MS4A4E: variants seen among roughly 807,000 people sequenced by gnomAD.
MS4A4E encodes the protein putative membrane-spanning 4-domains subfamily A member 4E.
Under a neutral mutation model 13.3 loss-of-function variants are expected in MS4A4E, and 23 were observed. That is an observed-to-expected ratio of 1.73 (90% CI 1.25 to 2.45). MS4A4E has a LOEUF of 2.45. Ranked by LOEUF, MS4A4E falls within the 30% of genes most tolerant of loss-of-function variation. The pLI, the probability that MS4A4E is intolerant of heterozygous loss-of-function variation, is 0.00. For missense variants in MS4A4E, 144 were observed against 131.2 expected, an observed-to-expected ratio of 1.10 and a Z score of -0.48; for synonymous variants, 36 against 45.6, an observed-to-expected ratio of 0.79 and a Z score of 0.85.
intron 3 of MS4A4E, among the ~76,000 whole-genome samples, chr11:60,221,269 T>C (rs2084267058): frequency 6.6e-6 from 1 of 152,034 alleles, no homozygotes; most frequent in African/African-American, 2.4e-5. Context: ...AAGTGGGGCA[T>C]GCACAGCAGC....
rs1005402930 is a variant in MS4A4E at position 60,200,476 on chromosome 11, G to A, written c.*1067C>T. Among the ~76,000 whole-genome samples the A allele has an allele frequency of 6.6e-6, 1 of 152,064 alleles. No individual in the cohort carries two copies. The highest frequency in any genetic ancestry group is 1.5e-5 in the Non-Finnish European group (1 of 68,014). ...TTGTGTCCCTGGGTACTTGAGATTA[G>A]GGAGTGGTGATGACTCTTAACGAGC... is the stretch of plus-strand genomic sequence containing the variant. On this transcript the variant is annotated 3_prime_UTR_variant, in exon 9 of 9. Coordinates refer to ENST00000651255, the MANE Select transcript of MS4A4E (RefSeq NM_001393391.1).
In MS4A4E at chr11:60,213,101, C is replaced by A; in HGVS notation, c.254G>T (p.Ser85Ile). ...VGGSLGKNIT[S>I]SVLAISGILI... ...GATCCCTGATATAGCCAAGACTGAA[C>A]TGGTGATATTCTTTCCTAGACTACC... The change falls in exon 5 of 9, where the codon AGT (serine) becomes ATT (isoleucine). Residue 85 changes from serine (S) to isoleucine (I), a missense_variant. Ser to Ile is a moderately radical substitution (Grantham distance 142). This residue lies in a region of MS4A4E where 119 missense variants were observed against 88.7 expected (regional missense o/e 1.34). Transcript: ENST00000651255. 1.7e-6 allele frequency: 1 copy of A among 578,558 alleles called. No homozygotes were observed. Among genetic ancestry groups the A allele is most frequent in the Non-Finnish European group, 3.0e-6 (1 of 333,200 alleles). The allele number at this position is 578,558 out of a possible 1,614,324, so 35.8% of individuals were successfully genotyped here. A position where few individuals can be genotyped will look rare whatever the true frequency, so the allele number is the denominator to read the frequency against.
At chr11:60,211,662 C>T (rs2084122851) in intron 5 of MS4A4E, among the ~76,000 whole-genome samples, 2 of 152,304 alleles carry the variant, frequency 1.3e-5, no homozygotes, top group South Asian at 4.1e-4. Context: ...CCTGTAATCC[C>T]AGCAGTTTAG....
Position 60,229,952 on chromosome 11 carries a change from A to C in MS4A4E, c.104T>G (p.Leu35Trp), listed in dbSNP as rs756650203. The C allele has an allele frequency of 6.2e-6, 10 of 1,612,890 alleles. No individual in the cohort carries two copies. The African/African-American group carries it at 1.3e-4, about 22-fold the overall frequency. Residue 35 changes from leucine to tryptophan, a missense_variant, in exon 2 of 9, where the codon TTG (leucine) becomes TGG (tryptophan). Leu to Trp is a moderately conservative substitution (Grantham distance 61). Transcript: ENST00000651255. ...TTTCCTCTTGAAGAACTTCTCTTGC[A>C]ATCCTTTACACAGATATGAATGTAT... ...DVIHSYLCKG[L>W]QEKFFKRKPK... is the part of the protein sequence containing the mutation.
chr11:60,207,215 G>A (rs1232534232), intron 6 of MS4A4E, among the ~76,000 whole-genome samples: 2 of 152,100 alleles, frequency 1.3e-5, no homozygotes, highest in Non-Finnish European at 2.9e-5. Context: ...TGCAACATTC[G>A]ATTGGTAGGG....
intron 6 of MS4A4E, among the ~76,000 whole-genome samples, chr11:60,206,402 G>A (rs1223949332): frequency 3.4e-5 from 5 of 146,186 alleles, no homozygotes. Flanking sequence ...CTCGATAAAG[G>A]GCCAATGAAA....
intron 3 of MS4A4E, among the ~76,000 whole-genome samples, chr11:60,214,842 T>C (rs2084170516): frequency 6.6e-6 from 1 of 152,104 alleles, no homozygotes; most frequent in Admixed American, 6.5e-5. Flanking sequence ...TTTCAAATAA[T>C]AGCTAACTGG....
chr11:60,229,819 T>C (rs2084385330), intron 2 of MS4A4E, 93 bp downstream of exon 2: 1 of 1,304,540 alleles, frequency 7.7e-7, no homozygotes. Flanking sequence ...TGATGTATTA[T>C]GAGGCTAGCG....
intron 1 of MS4A4E, among the ~76,000 whole-genome samples, chr11:60,241,617 T>G (rs2084552636): frequency 6.6e-6 from 1 of 152,214 alleles, no homozygotes; most frequent in South Asian, 2.1e-4. Flanking sequence ...TTTATATAAC[T>G]GCCTCCTATC....
chr11:60,236,615 T>C (rs938786472), intron 1 of MS4A4E, among the ~76,000 whole-genome samples: 1 of 152,126 alleles, frequency 6.6e-6, no homozygotes, highest in Non-Finnish European at 1.5e-5. Flanking sequence ...CTCCAATTTA[T>C]TTTTGTATGT....
rs751095957 is a variant in MS4A4E, at chr11:60,230,040, C to T, written c.16G>A (p.Gly6Arg). 6.3e-7 allele frequency: 1 copy of T among 1,594,320 alleles called. No homozygotes were observed. Among genetic ancestry groups the T allele is most frequent in the Non-Finnish European group, 8.5e-7 (1 of 1,172,836 alleles). The change falls in exon 2 of 9, where the codon GGA becomes AGA. Residue 6 changes from glycine to arginine, a missense_variant. By Grantham distance (125) the Gly-to-Arg change is moderately radical. Transcript: ENST00000651255. MTTMQ[G>R]MEQTTPGAGP... ...GCCCCTGGAGTGGTCTGTTCCATTC[C>T]TTGCATGGTTGTCATGGCAGCAGAA...
chr11:60,205,926 C>G (rs981724418), intron 6 of MS4A4E, among the ~76,000 whole-genome samples, 106 bp from the exon 7 acceptor site: 1 of 151,968 alleles, frequency 6.6e-6, no homozygotes, highest in Non-Finnish European at 1.5e-5. Context: ...ATAATTCTGC[C>G]CAGCAGAAGG....
intron 8 of MS4A4E, among the ~76,000 whole-genome samples, chr11:60,202,766 T>A (rs1170272312): frequency 6.6e-6 from 1 of 152,250 alleles, no homozygotes; most frequent in Non-Finnish European, 1.5e-5. Flanking sequence ...AGAAGTTAAA[T>A]ACTCCTCTCT....
At chr11:60,233,253 A>G (rs1313664602) in intron 1 of MS4A4E, among the ~76,000 whole-genome samples, 1 of 151,980 alleles carries the variant, frequency 6.6e-6, no homozygotes, top group Non-Finnish European at 1.5e-5. Context: ...ACTATGTGGC[A>G]CTCCATTCCC....
At chr11:60,232,795 T>C (rs943791874) in intron 1 of MS4A4E, among the ~76,000 whole-genome samples, 6 of 152,146 alleles carry the variant, frequency 3.9e-5, no homozygotes, top group Non-Finnish European at 8.8e-5. Context: ...CCTCCATCTC[T>C]GAGACTTAAC....
intron 3 of MS4A4E, among the ~76,000 whole-genome samples, chr11:60,224,582 C>T (rs1471860982): frequency 2.6e-5 from 4 of 152,126 alleles, no homozygotes; most frequent in African/African-American, 4.8e-5. Context: ...GATGTGTCTA[C>T]CATCTCCCCT....
intron 1 of MS4A4E, among the ~76,000 whole-genome samples, chr11:60,230,610 T>G (rs536485137): frequency 1.3e-5 from 2 of 152,216 alleles, no homozygotes; most frequent in Non-Finnish European, 2.9e-5. Flanking sequence ...CTTACAGCTC[T>G]GAGTCATATT....
Position 60,201,632 on chromosome 11 carries a change from TG to T in MS4A4E, c.906del (p.Ile303SerfsTer19), listed in dbSNP as rs1373361464. ...LESEERLCPAAIPSRKWGAPL... is the reference protein window; with the variant it reads ...LESEERLCPAXIPSRKWGAPL... ...GGCGCTCCCCACTTCCTAGATGGGA[TG>T]GCAGCCGGGCAGAGACGCTCCTCAC... On this transcript the variant is annotated frameshift_variant, in exon 9 of 9. Coordinates refer to ENST00000651255, the MANE Select transcript of MS4A4E (RefSeq NM_001393391.1). LOFTEE classifies it high-confidence loss of function. 9.6e-6 allele frequency: 3 copies of T among 313,188 alleles called. No individual in the cohort carries two copies. The highest frequency in any genetic ancestry group is 1.9e-5 in the Non-Finnish European group (3 of 155,502). The allele number at this position is 313,188 out of a possible 1,614,324, so 19.4% of individuals were successfully genotyped here.
At position 60,229,921 on chromosome 11, in the gene MS4A4E, T is replaced by G. The variant is rs749925262; in HGVS notation, c.135A>C (p.Lys45Asn). 1.2e-6 allele frequency: 2 copies of G among 1,605,760 alleles called. No individual in the cohort carries two copies. The highest frequency in any genetic ancestry group is 1.3e-5 in the African/African-American group (1 of 74,842). The change falls in exon 2 of 9, where the codon AAA becomes AAC. Residue 45 changes from lysine to asparagine, a missense_variant. By Grantham distance (94) the Lys-to-Asn change is moderately conservative. Coordinates refer to ENST00000651255, the MANE Select transcript of MS4A4E (RefSeq NM_001393391.1). ...TTTGCAATTGACTTACCCCAAGGAC[T>G]TTGGGTTTCCTCTTGAAGAACTTCT... The part of the protein sequence containing the change: ...LQEKFFKRKP[K>N]VLGVLCGHKF...
Sources: allele counts gnomAD v4.1 joint callset (sites outside exome capture counted in the v4.1 genomes callset), GRCh38; gene constraint gnomAD v4.1.1; regional missense constraint gnomAD v4.1.1; transcripts MANE v1.5; gene names NCBI Gene and HGNC (gene_info 2026-07-23, HGNC 2026-07-21).